The following CDC14B variants were observed in gnomAD, a reference collection of about 807,000 sequenced individuals.
CDC14B encodes the protein cell division cycle 14B.
CDC14B carries 22 observed loss-of-function variants against 64.2 expected under a neutral mutation model. That is an observed-to-expected ratio of 0.34 (90% CI 0.24 to 0.49). CDC14B has a LOEUF of 0.49. Ranked by LOEUF, CDC14B falls within the 20% of genes least tolerant of loss-of-function variation. CDC14B has a pLI of 0.99. For synonymous variants in CDC14B, 191 were observed against 215.8 expected (o/e 0.89, Z 1.01); for missense variants, 498 against 629.9 (o/e 0.79, Z 2.24).
chr9:96,570,743 G>A (rs141216062), intron 1 of CDC14B, among the ~76,000 whole-genome samples: 83 of 152,294 alleles, frequency 5.4e-4, no homozygotes, highest in African/African-American at 1.8e-3. Context: ...TTAGTGTCGC[G>A]TATTGTATTC....
chr9:96,565,796 A>C (rs1484921963), intron 1 of CDC14B, among the ~76,000 whole-genome samples: 1 of 152,224 alleles, frequency 6.6e-6, no homozygotes, highest in Admixed American at 6.5e-5. Context: ...ATTTCAGCAA[A>C]TTGCAGCATG....
intron 13 of CDC14B, among the ~76,000 whole-genome samples, chr9:96,505,390 T>C (rs1487488586): frequency 6.6e-6 from 1 of 152,072 alleles, no homozygotes; most frequent in East Asian, 1.9e-4. Context: ...ATGAATGAAG[T>C]TATCATTTTA....
At chr9:96,564,296 C>T (rs978633942) in intron 3 of CDC14B, among the ~76,000 whole-genome samples, 5 of 152,158 alleles carry the variant, frequency 3.3e-5, no homozygotes, top group African/African-American at 7.2e-5. Flanking sequence ...TAGATTCTCA[C>T]GCCCCTTAAT....
intron 9 of CDC14B, among the ~76,000 whole-genome samples, chr9:96,532,556 T>C (rs1465317713): frequency 6.6e-6 from 1 of 152,202 alleles, no homozygotes; most frequent in Non-Finnish European, 1.5e-5. Context: ...TCTGCTCCTT[T>C]ACTTCTCTTC....
chr9:96,596,248 G>GT (rs1260507988), intron 1 of CDC14B, among the ~76,000 whole-genome samples: 6 of 151,798 alleles, frequency 4.0e-5, no homozygotes, highest in South Asian at 2.1e-4. Context: ...TGTAGTTCCA[G>GT]CTACTCAGGA....
At position 96,503,619 on chromosome 9, in the gene CDC14B, C is replaced by T. The variant is rs1833740715; in HGVS notation, c.*134G>A. ...TTATTCAAACTCCAGTGGACATTTT[C>T]TCCATTGATCAACTTCTTAGGTGGA... On this transcript the variant is annotated 3_prime_UTR_variant, in exon 14 of 14. Coordinates refer to ENST00000375241, the MANE Select transcript of CDC14B (RefSeq NM_033331.4). The T allele has an allele frequency of 2.1e-5, 15 of 724,814 alleles. 1 individual carries two copies. Among genetic ancestry groups the T allele is most frequent in the Non-Finnish European group, 2.4e-6 (1 of 424,352 alleles). 44.9% of individuals were successfully genotyped at this position (724,814 alleles called of 1,614,324 possible).
chr9:96,514,341 G>C (rs1031426648), intron 12 of CDC14B: 1 of 745,738 alleles, frequency 1.3e-6, no homozygotes, highest in Non-Finnish European at 1.6e-6. Flanking sequence ...TGATGCTCTT[G>C]AGTCAGAATA....
Position 96,509,759 on chromosome 9 carries a change from ACAG to A in CDC14B, c.1371_1373del (p.Cys458del). ...CAGAAATGTTAGGTTCAGATGTTTT[ACAG>A]CTCTGAACACTGGATTGAAGAATTA... On this transcript the variant is annotated inframe_deletion, in exon 13 of 14. Coordinates refer to ENST00000375241, the MANE Select transcript of CDC14B (RefSeq NM_033331.4). The A allele has an allele frequency of 6.2e-7, 1 of 1,609,584 alleles. No homozygotes were observed. Among genetic ancestry groups the A allele is most frequent in the South Asian group, 1.1e-5 (1 of 90,884 alleles).
chr9:96,608,595 G>A (rs1346669302), intron 1 of CDC14B, among the ~76,000 whole-genome samples: 3 of 151,998 alleles, frequency 2.0e-5, no homozygotes, highest in Non-Finnish European at 2.9e-5. Flanking sequence ...TCTAGTTCCC[G>A]AAATATTTAG....
At chr9:96,617,244 T>C (rs1847688642) in intron 1 of CDC14B, among the ~76,000 whole-genome samples, 1 of 151,794 alleles carries the variant, frequency 6.6e-6, no homozygotes, top group Non-Finnish European at 1.5e-5. Context: ...CTCCTCAGTA[T>C]TCTGCTTGGT....
At chr9:96,546,651 C>A (rs541208187) in intron 5 of CDC14B, among the ~76,000 whole-genome samples, 1 of 151,958 alleles carries the variant, frequency 6.6e-6, no homozygotes, top group Non-Finnish European at 1.5e-5. Flanking sequence ...GGTTTTACCA[C>A]GTTGGCCAGG....
chr9:96,561,411 T>C (rs1416319080), intron 4 of CDC14B, among the ~76,000 whole-genome samples: 1 of 152,178 alleles, frequency 6.6e-6, no homozygotes, highest in Non-Finnish European at 1.5e-5. Context: ...AATGGTCCGG[T>C]AAGGCATGCC....
intron 1 of CDC14B, among the ~76,000 whole-genome samples, chr9:96,588,464 T>C (rs989085491): frequency 2.6e-5 from 4 of 152,320 alleles, no homozygotes; most frequent in Middle Eastern, 3.4e-3. Flanking sequence ...TTATCCAGAA[T>C]AGGAAGTGTA....
chr9:96,619,630 G>T lies in CDC14B; in HGVS notation c.-252C>A, dbSNP rs1847853341. 1 of 147,170 alleles carries T rather than the reference G, an allele frequency of 6.8e-6. No individual in the cohort carries two copies. The highest frequency in any genetic ancestry group is 1.5e-5 in the Non-Finnish European group (1 of 66,260). 9.1% of individuals were successfully genotyped at this position (147,170 alleles called of 1,614,324 possible). A position where few individuals can be genotyped will look rare whatever the true frequency, so the allele number is the denominator to read the frequency against. ...CCGGCGCCGCAGCCCTCGCTACAGC[G>T]CCTCCTGCCGCGGCCGGCGCCCCCA... On this transcript the variant is annotated 5_prime_UTR_variant, in exon 1 of 14. Coordinates refer to ENST00000375241, the MANE Select transcript of CDC14B (RefSeq NM_033331.4).
intron 1 of CDC14B, among the ~76,000 whole-genome samples, chr9:96,585,872 A>G (rs1226254961): frequency 2.6e-5 from 4 of 152,244 alleles, no homozygotes; most frequent in Admixed American, 2.0e-4. Context: ...CATCAATAAG[A>G]CAATGGATAG....
intron 1 of CDC14B, among the ~76,000 whole-genome samples, chr9:96,609,777 CACAG>C (rs1293449429): frequency 6.6e-6 from 1 of 152,144 alleles, no homozygotes; most frequent in Non-Finnish European, 1.5e-5. Context: ...CAATAAATAT[CACAG>C]ACATCAGGAA....
At chr9:96,526,454 G>A (rs938526224) in intron 9 of CDC14B, among the ~76,000 whole-genome samples, 3 of 152,204 alleles carry the variant, frequency 2.0e-5, no homozygotes, top group African/African-American at 7.2e-5. Flanking sequence ...GCAAGCCGAG[G>A]AGAGAGGCCT....
chr9:96,509,320 A>G (rs1049865381), intron 13 of CDC14B, among the ~76,000 whole-genome samples: 1 of 152,182 alleles, frequency 6.6e-6, no homozygotes, highest in Non-Finnish European at 1.5e-5. Flanking sequence ...CATCACATTC[A>G]TTTGCAGCTA....
intron 13 of CDC14B, among the ~76,000 whole-genome samples, chr9:96,508,804 G>C (rs1332108089): frequency 6.6e-6 from 1 of 152,220 alleles, no homozygotes; most frequent in Non-Finnish European, 1.5e-5. Flanking sequence ...ATTTCACACT[G>C]ATAAGGCCCC....
Sources: allele counts gnomAD v4.1 joint callset (sites outside exome capture counted in the v4.1 genomes callset), GRCh38; gene constraint gnomAD v4.1.1; transcripts MANE v1.5; gene names NCBI Gene and HGNC (gene_info 2026-07-23, HGNC 2026-07-21).